The following DLG2 variants were observed in gnomAD, a reference collection of about 807,000 sequenced individuals.
DLG2 encodes the protein discs large MAGUK scaffold protein 2.
A neutral mutation model predicts 132.5 loss-of-function variants in DLG2; 45 were observed. The ratio of observed to expected loss-of-function variants is 0.34; its 90% CI spans 0.27 to 0.44. The LOEUF (loss-of-function observed/expected upper bound fraction) is 0.44. DLG2 is among the 20% of genes least tolerant of loss of function. The probability of loss-of-function intolerance (pLI) is 1.00; values close to 1 mark genes in which losing one functional copy is unlikely to be tolerated. For synonymous variants in DLG2, 424 were observed against 419.6 expected, an observed-to-expected ratio of 1.01 and a Z score of -0.13; for missense variants, 1,045 against 1,196.9, an observed-to-expected ratio of 0.87 and a Z score of 1.87.
chr11:85,348,696 C>T (rs984714122), intron 3 of DLG2, among the ~76,000 whole-genome samples: 11 of 152,018 alleles, frequency 7.2e-5, no homozygotes, highest in African/African-American at 4.8e-5. Flanking sequence ...ATAAAATTCT[C>T]ATTGAATAGT....
intron 12 of DLG2, among the ~76,000 whole-genome samples, chr11:83,977,829 C>T (rs2092408313): frequency 6.6e-6 from 1 of 152,076 alleles, no homozygotes; most frequent in Non-Finnish European, 1.5e-5. Context: ...ATAATAAATG[C>T]CATCACATTC....
chr11:84,660,317 C>T (rs1420096098), intron 6 of DLG2, among the ~76,000 whole-genome samples: 2 of 152,124 alleles, frequency 1.3e-5, no homozygotes, highest in Non-Finnish European at 1.5e-5. Context: ...CATTACACAG[C>T]ATTCCTCTTA....
chr11:83,762,528 A>G (rs1238956536), intron 18 of DLG2, among the ~76,000 whole-genome samples: 1 of 152,142 alleles, frequency 6.6e-6, no homozygotes, highest in Non-Finnish European at 1.5e-5. Context: ...TGGGAATTGT[A>G]GTAATTTTCA....
At chr11:84,785,428 A>G (rs75398700) in intron 6 of DLG2, among the ~76,000 whole-genome samples, 3,767 of 152,224 alleles carry the variant, frequency 0.025, 157 homozygotes, top group African/African-American at 0.087. Flanking sequence ...TACTTCCATT[A>G]GAAGTCACAT....
chr11:85,137,569 G>A (rs1213506879), intron 5 of DLG2, among the ~76,000 whole-genome samples: 1 of 152,132 alleles, frequency 6.6e-6, no homozygotes, highest in Non-Finnish European at 1.5e-5. Flanking sequence ...ACTCCATGCA[G>A]ATGAACTATA....
intron 4 of DLG2, among the ~76,000 whole-genome samples, chr11:85,261,024 G>C (rs542791612): frequency 6.6e-6 from 1 of 152,282 alleles, no homozygotes; most frequent in Admixed American, 6.5e-5. Context: ...GATGTCATGG[G>C]TGCATCTGGC....
At chr11:84,882,584 C>T (rs146434805) in intron 6 of DLG2, among the ~76,000 whole-genome samples, 2 of 152,138 alleles carry the variant, frequency 1.3e-5, no homozygotes, top group Non-Finnish European at 2.9e-5. Context: ...GAAATATCTA[C>T]TCACTCTTCT....
chr11:83,858,178 C>T (rs1441589229), intron 16 of DLG2, among the ~76,000 whole-genome samples: 3 of 152,104 alleles, frequency 2.0e-5, no homozygotes, highest in African/African-American at 4.8e-5. Context: ...TATGTAAGGC[C>T]AACTCAGGAC....
intron 3 of DLG2, among the ~76,000 whole-genome samples, chr11:85,399,246 G>A (rs2087768320): frequency 1.3e-5 from 2 of 152,206 alleles, no homozygotes; most frequent in African/African-American, 4.8e-5. Flanking sequence ...CCTCTTCAAG[G>A]AGAACTACAA....
At chr11:83,618,402 A>G (rs1288014417) in intron 19 of DLG2, among the ~76,000 whole-genome samples, 3 of 152,168 alleles carry the variant, frequency 2.0e-5, no homozygotes, top group Non-Finnish European at 2.9e-5. Flanking sequence ...TATCACGGTG[A>G]TGTTAACATT....
intron 11 of DLG2, among the ~76,000 whole-genome samples, chr11:83,996,768 A>T (rs2094050170): frequency 6.6e-6 from 1 of 152,126 alleles, no homozygotes; most frequent in Non-Finnish European, 1.5e-5. Context: ...TAAAAACCAA[A>T]TCAATTGAAC....
At chr11:85,203,417 A>G (rs2081613789) in intron 4 of DLG2, among the ~76,000 whole-genome samples, 1 of 152,094 alleles carries the variant, frequency 6.6e-6, no homozygotes, top group African/African-American at 2.4e-5. Context: ...AGAGACAACT[A>G]TATGCCAACA....
chr11:84,290,815 T>G (rs2154375462), intron 7 of DLG2, among the ~76,000 whole-genome samples: 1 of 152,278 alleles, frequency 6.6e-6, no homozygotes, highest in South Asian at 2.1e-4. Flanking sequence ...TAGTACATTG[T>G]TTAAAAAAGC....
intron 7 of DLG2, among the ~76,000 whole-genome samples, chr11:84,369,164 T>C (rs10160220): frequency 0.23 from 34,290 of 151,952 alleles, 5,548 homozygotes; most frequent in African/African-American, 0.46. Context: ...GATAAGTTTA[T>C]TTAAATACAC....
intron 7 of DLG2, among the ~76,000 whole-genome samples, chr11:84,495,382 G>C (rs1029468074): frequency 2.0e-5 from 3 of 152,138 alleles, no homozygotes; most frequent in Non-Finnish European, 2.9e-5. Flanking sequence ...ATACTATTCA[G>C]AGCACAAGTA....
intron 6 of DLG2, among the ~76,000 whole-genome samples, chr11:84,928,944 T>C (rs1305105189): frequency 7.1e-6 from 1 of 140,362 alleles, no homozygotes; most frequent in Non-Finnish European, 1.5e-5. Context: ...GCAATACTTA[T>C]AATACTCTCT....
intron 7 of DLG2, among the ~76,000 whole-genome samples, chr11:84,511,096 T>C (rs1356655476): frequency 6.6e-6 from 1 of 151,892 alleles, no homozygotes; most frequent in African/African-American, 2.4e-5. Flanking sequence ...ATGAGAAAAA[T>C]AGATAATAAT....
chr11:85,481,360 A>C (rs1212026538), intron 3 of DLG2, among the ~76,000 whole-genome samples: 1 of 152,242 alleles, frequency 6.6e-6, no homozygotes. Flanking sequence ...TTGTCCATGC[A>C]CAAAAATACT....
intron 22 of DLG2, 40 bp downstream of exon 22, chr11:83,484,089 C>CTTATG: frequency 1.3e-6 from 2 of 1,559,722 alleles, no homozygotes; most frequent in African/African-American, 2.7e-5. Context: ...TTTTTTTTCT[C>CTTATG]TTATGTTGCA....
Sources: allele counts gnomAD v4.1 joint callset (sites outside exome capture counted in the v4.1 genomes callset), GRCh38; gene constraint gnomAD v4.1.1; transcripts MANE v1.5; gene names NCBI Gene and HGNC (gene_info 2026-07-23, HGNC 2026-07-21).